MCF2L2: variants seen among roughly 807,000 people sequenced by gnomAD.
The protein encoded by MCF2L2 is probable guanine nucleotide exchange factor MCF2L2.
Under a neutral mutation model 150.2 loss-of-function variants are expected in MCF2L2, and 102 were observed. The observed-to-expected ratio is 0.68, with a 90% CI of 0.58 to 0.80. The LOEUF (loss-of-function observed/expected upper bound fraction) is 0.80, where lower values mean the gene tolerates loss of function less well. Among genes scored for constraint, MCF2L2 ranks in the 30% least tolerant of loss-of-function variants. The pLI is 0.00. For missense variants in MCF2L2, 1,256 were observed against 1,372.8 expected, an observed-to-expected ratio of 0.91 and a Z score of 1.34; for synonymous variants, 465 against 491.3, an observed-to-expected ratio of 0.95 and a Z score of 0.71.
chr3:183,278,741 G>A (rs571005377), intron 14 of MCF2L2, among the ~76,000 whole-genome samples: 30 of 152,096 alleles, frequency 2.0e-4, no homozygotes, highest in Non-Finnish European at 3.8e-4. Flanking sequence ...TTGTATGCAG[G>A]GTGGATCATA....
At chr3:183,284,769 T>C (rs1443255153) in intron 14 of MCF2L2, among the ~76,000 whole-genome samples, 4 of 150,608 alleles carry the variant, frequency 2.7e-5, no homozygotes, top group Non-Finnish European at 5.9e-5. Flanking sequence ...TCTCAGAGAG[T>C]GGGGCCCTGG....
At chr3:183,326,549 G>A (rs1192878220) in intron 5 of MCF2L2, among the ~76,000 whole-genome samples, 4 of 146,926 alleles carry the variant, frequency 2.7e-5, no homozygotes, top group Non-Finnish European at 6.0e-5. Flanking sequence ...TTTATCCTGT[G>A]AAGTAATTAT....
At chr3:183,361,386 A>C (rs1712193277) in intron 3 of MCF2L2, among the ~76,000 whole-genome samples, 1 of 152,144 alleles carries the variant, frequency 6.6e-6, no homozygotes, top group Non-Finnish European at 1.5e-5. Context: ...TGTAATCCCC[A>C]ATGTTGAGAG....
intron 1 of MCF2L2, among the ~76,000 whole-genome samples, chr3:183,405,712 T>C (rs1394092828): frequency 6.6e-6 from 1 of 152,162 alleles, no homozygotes; most frequent in Admixed American, 6.5e-5. Flanking sequence ...CCTGGGTTGT[T>C]TCCAGTTTCA....
chr3:183,224,237 G>C (rs1248967790), intron 18 of MCF2L2, 47 bp from the exon 19 acceptor site: 1 of 1,213,696 alleles, frequency 8.2e-7, no homozygotes, highest in East Asian at 2.3e-5. Flanking sequence ...GCATTTTTCA[G>C]TAAGTGGACA....
intron 20 of MCF2L2, 23 bp from the exon 21 acceptor site, chr3:183,219,947 T>A: frequency 3.8e-6 from 6 of 1,580,348 alleles, no homozygotes; most frequent in Non-Finnish European, 5.2e-6. Context: ...AAAAGTCTTG[T>A]TGAAAATTAA....
At position 183,219,894 on chromosome 3, in the gene MCF2L2, T is replaced by C. The variant is rs1723082293; in HGVS notation, c.2332A>G (p.Met778Val). The C allele has an allele frequency of 1.9e-6, 3 of 1,613,654 alleles. No individual in the cohort carries two copies. Among genetic ancestry groups the C allele is most frequent in the Non-Finnish European group, 2.5e-6 (3 of 1,179,582 alleles). Residue 778 changes from methionine to valine, a missense_variant, in exon 21 of 30, where the codon ATG becomes GTG. Physicochemically the swap from Met to Val is conservative, Grantham distance 21. Coordinates refer to ENST00000328913, the MANE Select transcript of MCF2L2 (RefSeq NM_015078.4). ...CCTAGTTCACCTGGGTCTATCTCCA[T>C]ATCTTCAGGAGACTCGAAATCCAGC... ...GLLDFESPED[M>V]EIDPGELGGS...
intron 3 of MCF2L2, among the ~76,000 whole-genome samples, chr3:183,359,682 T>G (rs1666376984): frequency 1.3e-5 from 2 of 152,230 alleles, no homozygotes; most frequent in African/African-American, 4.8e-5. Flanking sequence ...CTAGCAGCAG[T>G]AAACTCAGTA....
At chr3:183,301,014 C>CA (rs11388183) in intron 10 of MCF2L2, among the ~76,000 whole-genome samples, 21,536 of 64,152 alleles carry the variant, frequency 0.34, 3,583 homozygotes, top group Non-Finnish European at 0.4. Context: ...GACTCCATCT[C>CA]AAAAAAAAAA....
chr3:183,364,376 T>C (rs975978691), intron 3 of MCF2L2, among the ~76,000 whole-genome samples: 8 of 151,530 alleles, frequency 5.3e-5, no homozygotes, highest in Non-Finnish European at 7.4e-5. Context: ...AAAAATTAGC[T>C]GGGCATGGTG....
intron 3 of MCF2L2, chr3:183,377,032 T>C (rs1295355618): frequency 6.6e-6 from 1 of 152,224 alleles, no homozygotes; most frequent in Non-Finnish European, 1.5e-5. Flanking sequence ...GAATGGCATT[T>C]TTAAATTTTT....
rs1339287217 is a variant in MCF2L2, at chr3:183,428,021, G to C, written c.-44C>G. 2.8e-6 allele frequency: 4 copies of C among 1,444,174 alleles called. No individual in the cohort carries two copies. Among genetic ancestry groups the C allele is most frequent in the African/African-American group, 1.4e-5 (1 of 71,534 alleles). 89.5% of individuals were successfully genotyped at this position (1,444,174 alleles called of 1,614,324 possible). A position where few individuals can be genotyped will look rare whatever the true frequency, so the allele number is the denominator to read the frequency against. ...CGTATAAATAAAGCCAAACAAAACT[G>C]TTTCTACCGCTGCGGTGGATGATTT... On this transcript the variant is annotated 5_prime_UTR_variant, in exon 1 of 30. Transcript: ENST00000328913. This position sits in a 1 kb window ranked among gnomAD's most constrained non-coding sequence, Gnocchi z 5.1.
At chr3:183,423,592 T>C (rs953207808) in intron 1 of MCF2L2, among the ~76,000 whole-genome samples, 2 of 151,316 alleles carry the variant, frequency 1.3e-5, no homozygotes, top group African/African-American at 4.8e-5. Flanking sequence ...AAAACCTCTA[T>C]GGGGAGTTAC....
chr3:183,304,325 G>C (rs945698361), intron 10 of MCF2L2, among the ~76,000 whole-genome samples: 1 of 152,170 alleles, frequency 6.6e-6, no homozygotes, highest in African/African-American at 2.4e-5. Context: ...ATAGAAACAA[G>C]TGACACAAAT....
intron 15 of MCF2L2, among the ~76,000 whole-genome samples, chr3:183,245,105 T>C (rs939089135): frequency 1.3e-5 from 2 of 152,160 alleles, no homozygotes; most frequent in Admixed American, 6.5e-5. Flanking sequence ...ATTCTATAAA[T>C]ATGTTATCAT....
At chr3:183,337,685 T>G (rs1344706901) in intron 5 of MCF2L2, among the ~76,000 whole-genome samples, 2 of 152,164 alleles carry the variant, frequency 1.3e-5, no homozygotes, top group Admixed American at 6.6e-5. Flanking sequence ...ACCAGTCCCC[T>G]ATTGTCAAGC....
At chr3:183,242,982 T>C (rs1724097910) in intron 15 of MCF2L2, among the ~76,000 whole-genome samples, 1 of 152,222 alleles carries the variant, frequency 6.6e-6, no homozygotes, top group Non-Finnish European at 1.5e-5. Context: ...GTTTGACTGC[T>C]TTATTGGATT....
intron 15 of MCF2L2, among the ~76,000 whole-genome samples, chr3:183,276,119 A>G (rs1727142320): frequency 6.6e-6 from 1 of 152,224 alleles, no homozygotes; most frequent in Admixed American, 6.5e-5. Context: ...TGGGCCATTC[A>G]TTATAACTCC....
At chr3:183,379,107 T>C (rs1255142051) in intron 3 of MCF2L2, 190 bp downstream of exon 3, 2 of 523,878 alleles carry the variant, frequency 3.8e-6, no homozygotes, top group Non-Finnish European at 6.6e-6. Flanking sequence ...TGAGGCTTGT[T>C]TGTCATTGTT....
Sources: allele counts gnomAD v4.1 joint callset (sites outside exome capture counted in the v4.1 genomes callset), GRCh38; gene constraint gnomAD v4.1.1; non-coding constraint Gnocchi (gnomAD v3.1); transcripts MANE v1.5; gene names NCBI Gene and HGNC (gene_info 2026-07-23, HGNC 2026-07-21).